Variants in DYNC1LI1 observed in about 807,000 individuals in gnomAD.
DYNC1LI1 encodes the protein dynein cytoplasmic 1 light intermediate chain 1.
A neutral mutation model predicts 63.8 loss-of-function variants in DYNC1LI1; 19 were observed. The ratio of observed to expected loss-of-function variants is 0.30; its 90% CI spans 0.21 to 0.44. The LOEUF is 0.44. DYNC1LI1 is among the 20% of genes least tolerant of loss of function. The probability of loss-of-function intolerance (pLI) is 1.00; values close to 1 mark genes in which losing one functional copy is unlikely to be tolerated. For missense variants in DYNC1LI1, 565 were observed against 630.2 expected (o/e 0.90, Z 1.11); for synonymous variants, 225 against 232.3 (o/e 0.97, Z 0.28).
intron 2 of DYNC1LI1, among the ~76,000 whole-genome samples, chr3:32,559,237 T>A (rs1368174943): frequency 6.6e-6 from 1 of 151,884 alleles, no homozygotes; most frequent in East Asian, 1.9e-4. Context: ...AACTCATATA[T>A]ATATAGTTTT....
chr3:32,543,527 T>C (rs1697910796), intron 4 of DYNC1LI1, among the ~76,000 whole-genome samples: 1 of 150,820 alleles, frequency 6.6e-6, no homozygotes, highest in South Asian at 2.1e-4. Flanking sequence ...GCCTCCCAAG[T>C]AGGTGGGATT....
Position 32,560,725 on chromosome 3 carries a change from C to T in DYNC1LI1, c.220+9621G>A, listed in dbSNP as rs145429487. Among the ~76,000 whole-genome samples, 618 of 151,996 alleles carry T rather than the reference C, an allele frequency of 4.1e-3. 5 individuals carry two copies. Among genetic ancestry groups the T allele is most frequent in the African/African-American group, 0.014 (568 of 41,456 alleles). On this transcript the variant is annotated intron_variant, in intron 2 of 12. Coordinates refer to ENST00000273130, the MANE Select transcript of DYNC1LI1 (RefSeq NM_016141.4). ...GAATTAAAAATAACATTTAGTTGGC[C>T]GGGCACAGTGGCTCATGCCTGTAAT...
At chr3:32,536,509 AG>A (rs1164012492) in intron 6 of DYNC1LI1, among the ~76,000 whole-genome samples, 1 of 152,178 alleles carries the variant, frequency 6.6e-6, no homozygotes, top group Non-Finnish European at 1.5e-5. Flanking sequence ...TTTTCCAGGA[AG>A]GTTTCTAAAG....
chr3:32,529,611 G>A lies in DYNC1LI1; in HGVS notation c.1235C>T (p.Ser412Phe), dbSNP rs769709439. 1 of 1,610,104 alleles carries A rather than the reference G, an allele frequency of 6.2e-7. No homozygotes were observed. The highest frequency in any genetic ancestry group is 8.5e-7 in the Non-Finnish European group (1 of 1,178,404). Residue 412 changes from serine (S) to phenylalanine (F), a missense_variant, in exon 11 of 13, where the codon TCT becomes TTT. By Grantham distance (155) the Ser-to-Phe change is radical. Transcript: ENST00000273130. ...CACGCTGGCAACATTAGATGATACA[G>A]ATCTATTTGGTGTTCGTGGGGAGCC... The part of the protein sequence containing the change: ...PGGSPRTPNR[S>F]VSSNVASVSP...
At chr3:32,532,793 G>GAAT in intron 8 of DYNC1LI1, 193 bp downstream of exon 8, 1 of 962,182 alleles carries the variant, frequency 1.0e-6, no homozygotes, top group African/African-American at 1.7e-5. Context: ...TTAATTAGCT[G>GAAT]AATAGCTGAT....
intron 7 of DYNC1LI1, 90 bp downstream of exon 7, chr3:32,534,421 A>T: frequency 1.1e-6 from 1 of 931,118 alleles, no homozygotes; most frequent in Non-Finnish European, 1.6e-6. Flanking sequence ...TGGAAGGTCT[A>T]TTGGTCCCAT....
intron 5 of DYNC1LI1, among the ~76,000 whole-genome samples, chr3:32,540,695 A>G (rs1191891155): frequency 6.6e-6 from 1 of 151,976 alleles, no homozygotes; most frequent in Non-Finnish European, 1.5e-5. Flanking sequence ...AAAAAAAAAA[A>G]AAAAATTAAT....
chr3:32,559,727 CAG>C (rs1310864222), intron 2 of DYNC1LI1, among the ~76,000 whole-genome samples: 4 of 152,190 alleles, frequency 2.6e-5, no homozygotes, highest in African/African-American at 9.7e-5. Context: ...CATCAGGAGA[CAG>C]GGAATTCTAA....
At chr3:32,535,053 G>A (rs1008535549) in intron 6 of DYNC1LI1, among the ~76,000 whole-genome samples, 2 of 152,170 alleles carry the variant, frequency 1.3e-5, no homozygotes, top group Non-Finnish European at 2.9e-5. Flanking sequence ...TGTGTTAACA[G>A]TGTCTCTTTG....
At chr3:32,559,124 G>A (rs1014965452) in intron 2 of DYNC1LI1, among the ~76,000 whole-genome samples, 2 of 151,262 alleles carry the variant, frequency 1.3e-5, no homozygotes, top group East Asian at 3.9e-4. Context: ...CTGGGCTCCA[G>A]CAATCCTCCC....
chr3:32,567,154 T>A (rs866867466), intron 2 of DYNC1LI1, among the ~76,000 whole-genome samples: 1 of 152,230 alleles, frequency 6.6e-6, no homozygotes, highest in Non-Finnish European at 1.5e-5. Context: ...TTGCAGGAAC[T>A]TCTATCAAGT....
At chr3:32,568,736 C>A (rs1375400619) in intron 2 of DYNC1LI1, among the ~76,000 whole-genome samples, 4 of 152,052 alleles carry the variant, frequency 2.6e-5, no homozygotes, top group Non-Finnish European at 4.4e-5. Context: ...AATAACTGGA[C>A]AAAATGTATA....
chr3:32,553,556 C>T (rs1698072480), intron 2 of DYNC1LI1, among the ~76,000 whole-genome samples: 1 of 152,166 alleles, frequency 6.6e-6, no homozygotes, highest in Non-Finnish European at 1.5e-5. Context: ...CAACATGTCT[C>T]CACACAATAA....
At chr3:32,536,871 T>C (rs1465102863) in intron 6 of DYNC1LI1, 140 bp downstream of exon 6, 4 of 551,742 alleles carry the variant, frequency 7.2e-6, no homozygotes, top group South Asian at 2.5e-5. Context: ...ATTTGGGAAC[T>C]AAAATGAAAT....
rs567964930 is a variant in DYNC1LI1 at position 32,565,630 on chromosome 3, A to G, written c.220+4716T>C. ...GCACAATTTTTCTTTCTTTTTTTTG[A>G]GACAGAGTTTCACTCGTCACCCAGG... is the stretch of plus-strand genomic sequence containing the variant. On this transcript the variant is annotated intron_variant, in intron 2 of 12. Coordinates refer to ENST00000273130, the MANE Select transcript of DYNC1LI1 (RefSeq NM_016141.4). Among the ~76,000 whole-genome samples the G allele has an allele frequency of 2.6e-5, 4 of 152,182 alleles. No homozygotes were observed. The East Asian group carries it at 5.8e-4, about 22-fold the overall frequency.
intron 2 of DYNC1LI1, among the ~76,000 whole-genome samples, chr3:32,565,914 G>A (rs1698253131): frequency 6.6e-6 from 1 of 152,134 alleles, no homozygotes; most frequent in African/African-American, 2.4e-5. Flanking sequence ...GCCTCAGGCT[G>A]CAAAATTTTG....
chr3:32,565,055 C>T (rs1056283104), intron 2 of DYNC1LI1, among the ~76,000 whole-genome samples: 1 of 152,138 alleles, frequency 6.6e-6, no homozygotes, highest in Admixed American at 6.6e-5. Context: ...CTGCATATTA[C>T]CGTGGACTAA....
chr3:32,553,370 A>G (rs1302938720), intron 2 of DYNC1LI1, among the ~76,000 whole-genome samples: 2 of 152,106 alleles, frequency 1.3e-5, no homozygotes, highest in East Asian at 3.9e-4. Flanking sequence ...CCAAACCATA[A>G]AAAAGTGCTA....
At position 32,541,134 on chromosome 3, in the gene DYNC1LI1, G is replaced by T; in HGVS notation, c.641C>A (p.Ala214Glu). 1 of 1,613,008 alleles carries T rather than the reference G, an allele frequency of 6.2e-7. No individual in the cohort carries two copies. Among genetic ancestry groups the T allele is most frequent in the Non-Finnish European group, 8.5e-7 (1 of 1,179,212 alleles). Reference protein sequence around the residue: ...FPASPQRRNTASQEDKDDSVV... With the variant: ...FPASPQRRNTESQEDKDDSVV... ...ACTGTCATCTTTGTCTTCTTGTGAC[G>T]CAGTATTTCTTCTCTGGGGAGAAGC... Residue 214 changes from alanine (A) to glutamate (E), a missense_variant, in exon 5 of 13, where the codon GCG (alanine) becomes GAG (glutamate). Coordinates refer to ENST00000273130, the MANE Select transcript of DYNC1LI1 (RefSeq NM_016141.4).
Sources: gnomAD v4.1 joint callset for allele counts (sites outside exome capture counted in the v4.1 genomes callset) on GRCh38, gnomAD v4.1.1 for gene constraint, MANE v1.5 for transcripts, NCBI Gene and HGNC (gene_info 2026-07-23, HGNC 2026-07-21) for gene names.